ZNF676: variants seen among roughly 807,000 people sequenced by gnomAD.
ZNF676 encodes zinc finger protein 676.
A neutral mutation model predicts 6.0 loss-of-function variants in ZNF676; 4 were observed. The ratio of observed to expected loss-of-function variants is 0.67; its 90% CI spans 0.33 to 1.53. The LOEUF (loss-of-function observed/expected upper bound fraction) is 1.53, where lower values mean the gene tolerates loss of function less well. Among genes scored for constraint, ZNF676 ranks in the 40% most tolerant of loss-of-function variants. The pLI, the probability that ZNF676 is intolerant of heterozygous loss-of-function variation, is 0.06. For synonymous variants in ZNF676, 198 were observed against 223.1 expected, an observed-to-expected ratio of 0.89 and a Z score of 1.00; for missense variants, 644 against 679.7, an observed-to-expected ratio of 0.95 and a Z score of 0.58.
chr19:22,193,899 T>C (rs1433384670), intron 1 of ZNF676, among the ~76,000 whole-genome samples: 1 of 152,176 alleles, frequency 6.6e-6, no homozygotes, highest in Non-Finnish European at 1.5e-5. Context: ...GCTGTTAGAA[T>C]TGGTGTTCAG....
At chr19:22,246,709 G>A in the ZNF676 span, among the ~76,000 whole-genome samples, 2 of 152,214 alleles carry the variant, frequency 1.3e-5, no homozygotes, top group African/African-American at 2.4e-5. Context: ...GCACAGGAAC[G>A]TATCACAATT....
At chr19:22,230,048 C>T in the ZNF676 span, among the ~76,000 whole-genome samples, 2 of 152,118 alleles carry the variant, frequency 1.3e-5, no homozygotes, top group East Asian at 1.9e-4. Context: ...CACATGCACA[C>T]GTATGTTTGT....
chr19:22,192,119 C>T (rs1394614798), intron 2 of ZNF676, among the ~76,000 whole-genome samples: 1 of 150,584 alleles, frequency 6.6e-6, no homozygotes, highest in Non-Finnish European at 1.5e-5. Flanking sequence ...AATAAATACA[C>T]TCAGCAAATT....
chr19:22,191,735 C>CT (rs2023909892), intron 2 of ZNF676, among the ~76,000 whole-genome samples: 1 of 152,174 alleles, frequency 6.6e-6, no homozygotes, highest in Admixed American at 6.5e-5. Flanking sequence ...GCCCAAGCCC[C>CT]TTGTAATAAG....
the ZNF676 span, among the ~76,000 whole-genome samples, chr19:22,248,959 A>T: frequency 6.6e-6 from 1 of 152,260 alleles, no homozygotes; most frequent in South Asian, 2.1e-4. Context: ...CGAACTCCTG[A>T]CCTCAAGTGA....
chr19:22,218,886 GA>G (rs1356012190), upstream of ZNF676, among the ~76,000 whole-genome samples: 3 of 152,044 alleles, frequency 2.0e-5, no homozygotes, highest in African/African-American at 7.2e-5. Context: ...TTTGAAGTCA[GA>G]TAACGTGATG....
chr19:22,201,859 G>T (rs530703572), upstream of ZNF676, among the ~76,000 whole-genome samples: 2 of 152,074 alleles, frequency 1.3e-5, no homozygotes, highest in African/African-American at 2.4e-5. Flanking sequence ...AAGGTTAAGG[G>T]TATGGAATTT....
At chr19:22,227,199 A>G in the ZNF676 span, among the ~76,000 whole-genome samples, 1 of 152,184 alleles carries the variant, frequency 6.6e-6, no homozygotes, top group African/African-American at 2.4e-5. Flanking sequence ...AACTCTGGAT[A>G]AGTAACTCAC....
At chr19:22,234,761 C>A in the ZNF676 span, among the ~76,000 whole-genome samples, 1 of 151,890 alleles carries the variant, frequency 6.6e-6, no homozygotes, top group Non-Finnish European at 1.5e-5. Flanking sequence ...TGGTGAAACC[C>A]CAAGTCTACT....
intron 1 of ZNF676, among the ~76,000 whole-genome samples, chr19:22,207,182 C>T (rs1319879092): frequency 6.6e-6 from 1 of 152,182 alleles, no homozygotes; most frequent in Non-Finnish European, 1.5e-5. Context: ...CATGATTCTA[C>T]ATCTGGAAAC....
At chr19:22,223,647 T>C in the ZNF676 span, among the ~76,000 whole-genome samples, 2 of 152,074 alleles carry the variant, frequency 1.3e-5, no homozygotes, top group African/African-American at 2.4e-5. Context: ...ATGTTATGCC[T>C]GAAATAAATT....
At chr19:22,255,969 C>G in the ZNF676 span, among the ~76,000 whole-genome samples, 507 of 152,222 alleles carry the variant, frequency 3.3e-3, 1 homozygote, top group African/African-American at 0.012. Flanking sequence ...TTCACAATTG[C>G]AGTCTGTCCA....
chr19:22,180,189 A>C lies in ZNF676; in HGVS notation c.1528T>G (p.Cys510Gly). 3.1e-6 allele frequency: 5 copies of C among 1,613,606 alleles called. No homozygotes were observed. Among genetic ancestry groups the C allele is most frequent in the Non-Finnish European group, 4.2e-6 (5 of 1,179,866 alleles). ...TGEKRYKCEE[C>G]GKAFSWSSIL... ...GAGGACCAGCTGAAGGCTTTGCCAC[A>C]TTCTTCACATTTGTAGCGTTTCTCT... Residue 510 changes from cysteine (C) to glycine (G), a missense_variant, in exon 3 of 3, where the codon TGT becomes GGT. By Grantham distance (159) the Cys-to-Gly change is radical. Coordinates refer to ENST00000397121, the MANE Select transcript of ZNF676 (RefSeq NM_001001411.3).
chr19:22,234,660 G>A, the ZNF676 span, among the ~76,000 whole-genome samples: 2 of 152,164 alleles, frequency 1.3e-5, no homozygotes, highest in African/African-American at 4.8e-5. Context: ...GCTGCCAGGT[G>A]CAGTGGCTCA....
At chr19:22,248,594 G>A in the ZNF676 span, among the ~76,000 whole-genome samples, 1 of 152,190 alleles carries the variant, frequency 6.6e-6, no homozygotes, top group Non-Finnish European at 1.5e-5. Flanking sequence ...GCTGCAATGG[G>A]TGGGTCTTTC....
the ZNF676 span, among the ~76,000 whole-genome samples, chr19:22,238,580 G>C: frequency 6.6e-6 from 1 of 152,046 alleles, no homozygotes; most frequent in Non-Finnish European, 1.5e-5. Flanking sequence ...TTAATATTCT[G>C]TTCCTCTAGA....
intron 1 of ZNF676, among the ~76,000 whole-genome samples, chr19:22,211,216 T>A (rs2024126735): frequency 6.6e-6 from 1 of 152,152 alleles, no homozygotes; most frequent in Non-Finnish European, 1.5e-5. Context: ...TAACCTTAAC[T>A]GCATCTGCCT....
At chr19:22,250,297 T>C in the ZNF676 span, among the ~76,000 whole-genome samples, 1 of 152,068 alleles carries the variant, frequency 6.6e-6, no homozygotes, top group African/African-American at 2.4e-5. Flanking sequence ...AAATGAAAAA[T>C]TTTTGTCTGC....
At chr19:22,254,561 C>T in the ZNF676 span, among the ~76,000 whole-genome samples, 1 of 151,980 alleles carries the variant, frequency 6.6e-6, no homozygotes, top group Non-Finnish European at 1.5e-5. Context: ...TGTCAAAATC[C>T]CCCATTTTGT....
Sources: allele counts gnomAD v4.1 joint callset (sites outside exome capture counted in the v4.1 genomes callset), GRCh38; gene constraint gnomAD v4.1.1; transcripts MANE v1.5; gene names NCBI Gene and HGNC (gene_info 2026-07-23, HGNC 2026-07-21).